Variants in PLA2G4A observed in about 807,000 individuals in gnomAD.
PLA2G4A encodes the protein cytosolic phospholipase A2.
In PLA2G4A, 40 loss-of-function variants were observed where a neutral mutation model predicts 81.9. The ratio of observed to expected loss-of-function variants is 0.49; its 90% CI spans 0.38 to 0.64. The LOEUF is 0.64. Among genes scored for constraint, PLA2G4A ranks in the 30% least tolerant of loss-of-function variants. The probability of loss-of-function intolerance (pLI) is 0.00; values close to 1 mark genes in which losing one functional copy is unlikely to be tolerated. For synonymous variants in PLA2G4A, 302 were observed against 296.9 expected, an observed-to-expected ratio of 1.02 and a Z score of -0.18; for missense variants, 715 against 905.1, an observed-to-expected ratio of 0.79 and a Z score of 2.69.
At position 186,988,845 on chromosome 1, in the gene PLA2G4A, T is replaced by A; in HGVS notation, c.*337T>A. The A allele has an allele frequency of 4.4e-6, 1 of 226,006 alleles. No individual in the cohort carries two copies. Among genetic ancestry groups the A allele is most frequent in the Non-Finnish European group, 9.0e-6 (1 of 111,434 alleles). The allele number at this position is 226,006 out of a possible 1,614,324, so 14.0% of individuals were successfully genotyped here. A position where few individuals can be genotyped will look rare whatever the true frequency, so the allele number is the denominator to read the frequency against. ...TTTTTCTTTTAAAATATTTAACAGTTCAATCTCAATAAGACCTCGCATTAT... is the reference window on the plus strand; with the variant it reads ...TTTTTCTTTTAAAATATTTAACAGTACAATCTCAATAAGACCTCGCATTAT... On this transcript the variant is annotated 3_prime_UTR_variant, in exon 18 of 18. Coordinates refer to ENST00000367466, the MANE Select transcript of PLA2G4A (RefSeq NM_024420.3).
chr1:186,983,153 A>G (rs768245898), intron 17 of PLA2G4A, among the ~76,000 whole-genome samples: 209 of 152,244 alleles, frequency 1.4e-3, no homozygotes, highest in Non-Finnish European at 2.4e-3. Context: ...TTTGTAAATG[A>G]TGGTACTTAA....
chr1:186,964,785 A>G (rs1288369748), intron 14 of PLA2G4A, among the ~76,000 whole-genome samples: 4 of 152,188 alleles, frequency 2.6e-5, no homozygotes, highest in Admixed American at 6.5e-5. Flanking sequence ...GCATGTATCT[A>G]TCTTGTTCAG....
intron 1 of PLA2G4A, among the ~76,000 whole-genome samples, chr1:186,849,198 A>G (rs905890969): frequency 6.6e-6 from 1 of 152,084 alleles, no homozygotes; most frequent in African/African-American, 2.4e-5. Flanking sequence ...CCATCCATCC[A>G]TTGGACAAAT....
In PLA2G4A at chr1:186,939,287, ATAT is replaced by A. The variant is rs1407960111; in HGVS notation, c.918+61_918+63del. ...TAACAAGTAGACAGAACATATTATA[ATAT>A]TATATTTTAAATAAAAGAAAATGTA... On this transcript the variant is annotated intron_variant, in intron 9 of 17. Transcript: ENST00000367466. The A allele has an allele frequency of 5.8e-5, 41 of 709,736 alleles. 1 individual carries two copies. The highest frequency in any genetic ancestry group is 3.8e-4 in the Middle Eastern group (1 of 2,652). 44.0% of individuals were successfully genotyped at this position (709,736 alleles called of 1,614,324 possible). A position where few individuals can be genotyped will look rare whatever the true frequency, so the allele number is the denominator to read the frequency against.
chr1:186,928,236 C>T lies in PLA2G4A; in HGVS notation c.559-4527C>T, dbSNP rs535226774. Among the ~76,000 whole-genome samples, 4 of 152,190 alleles carry T rather than the reference C, an allele frequency of 2.6e-5. No individual in the cohort carries two copies. In the South Asian group the frequency reaches 6.2e-4, roughly 24 times the overall value. ...CTCTGAGGGGCCCAAAGCTCTTGAC[C>T]GCTGAGAAATGTAAGCTGTGAGGGA... On this transcript the variant is annotated intron_variant, in intron 7 of 17. Transcript: ENST00000367466.
chr1:186,932,407 T>A (rs1369418384), intron 7 of PLA2G4A, among the ~76,000 whole-genome samples: 1 of 151,926 alleles, frequency 6.6e-6, no homozygotes, highest in East Asian at 1.9e-4. Context: ...GCAATTCTCC[T>A]GCTTCAGCCT....
chr1:186,978,482 G>T (rs1657607464), intron 16 of PLA2G4A, among the ~76,000 whole-genome samples: 1 of 152,044 alleles, frequency 6.6e-6, no homozygotes, highest in African/African-American at 2.4e-5. Flanking sequence ...TGAGAAAAAT[G>T]GTGTTTTTCT....
Position 186,956,390 on chromosome 1 carries a change from T to C in PLA2G4A, c.1579+46T>C, listed in dbSNP as rs746835165. The C allele has an allele frequency of 3.2e-6, 5 of 1,546,098 alleles. No individual in the cohort carries two copies. The Admixed American group carries it at 6.7e-5, about 21-fold the overall frequency. ...AGTGGGAGCTAATGCAGGAGATCTT[T>C]ATTCCTTCTCTGGAGAGAAGCATTT... is the stretch of plus-strand genomic sequence containing the variant. On this transcript the variant is annotated intron_variant, in intron 14 of 17. Transcript: ENST00000367466.
intron 7 of PLA2G4A, among the ~76,000 whole-genome samples, chr1:186,928,677 T>C (rs979551743): frequency 6.6e-6 from 1 of 152,206 alleles, no homozygotes; most frequent in Non-Finnish European, 1.5e-5. Flanking sequence ...AGGAGAGAAA[T>C]GTTTTTATGT....
intron 2 of PLA2G4A, among the ~76,000 whole-genome samples, chr1:186,864,443 C>T (rs1238881421): frequency 6.6e-6 from 1 of 152,042 alleles, no homozygotes; most frequent in Non-Finnish European, 1.5e-5. Flanking sequence ...TTCTCTTTCT[C>T]TACATCTATG....
chr1:186,872,058 A>G (rs780950871), intron 3 of PLA2G4A, among the ~76,000 whole-genome samples: 1 of 152,198 alleles, frequency 6.6e-6, no homozygotes, highest in Admixed American at 6.5e-5. Context: ...TCTAACAGCA[A>G]GAGTTTTGGC....
intron 1 of PLA2G4A, among the ~76,000 whole-genome samples, chr1:186,842,653 A>G (rs950984624): frequency 2.0e-5 from 3 of 152,164 alleles, no homozygotes; most frequent in Admixed American, 2.0e-4. Flanking sequence ...ACACACAGAC[A>G]CCAGGCACTC....
chr1:186,944,644 A>T (rs141099230), intron 10 of PLA2G4A, among the ~76,000 whole-genome samples: 32 of 152,308 alleles, frequency 2.1e-4, no homozygotes, highest in Middle Eastern at 3.4e-3. Context: ...TGATTTCATC[A>T]CTTCCTTCAT....
chr1:186,918,442 T>G (rs1655226234), intron 7 of PLA2G4A, among the ~76,000 whole-genome samples: 1 of 152,026 alleles, frequency 6.6e-6, no homozygotes, highest in Non-Finnish European at 1.5e-5. Context: ...GTTTACAGTC[T>G]TACCTTCACT....
chr1:186,976,433 A>G (rs1011638154), intron 15 of PLA2G4A, among the ~76,000 whole-genome samples: 6 of 152,108 alleles, frequency 3.9e-5, no homozygotes, highest in Admixed American at 1.3e-4. Context: ...TATTTATTAA[A>G]CATTTGCATA....
intron 3 of PLA2G4A, among the ~76,000 whole-genome samples, chr1:186,878,947 A>C (rs1653624446): frequency 6.6e-6 from 1 of 151,918 alleles, no homozygotes; most frequent in Admixed American, 6.6e-5. Context: ...TATGTCTAAG[A>C]GAATACCTCT....
At chr1:186,902,329 C>T (rs1182377428) in intron 5 of PLA2G4A, among the ~76,000 whole-genome samples, 1 of 152,072 alleles carries the variant, frequency 6.6e-6, no homozygotes, top group Non-Finnish European at 1.5e-5. Flanking sequence ...AAAACCACAT[C>T]CAGGCCATCA....
At position 186,920,351 on chromosome 1, in the gene PLA2G4A, G is replaced by A. The variant is rs564637825; in HGVS notation, c.558+8962G>A. 8.7e-4 allele frequency among the ~76,000 whole-genome samples: 132 copies of A among 152,294 alleles called. 1 individual carries two copies. The highest frequency in any genetic ancestry group is 3.0e-3 in the African/African-American group (123 of 41,546). On this transcript the variant is annotated intron_variant, in intron 7 of 17. Coordinates refer to ENST00000367466, the MANE Select transcript of PLA2G4A (RefSeq NM_024420.3). ...TCATGTCCCCCCACCGAGCAGGTCC[G>A]TGGTAGGCAGAAAGCCTGCTTAGTG...
chr1:186,853,575 TA>T (rs1652452847), intron 1 of PLA2G4A, among the ~76,000 whole-genome samples: 1 of 151,976 alleles, frequency 6.6e-6, no homozygotes, highest in Non-Finnish European at 1.5e-5. Flanking sequence ...ATGTAACTTA[TA>T]AAATGCTGAA....
Sources: gnomAD v4.1 joint callset for allele counts (sites outside exome capture counted in the v4.1 genomes callset) on GRCh38, gnomAD v4.1.1 for gene constraint, MANE v1.5 for transcripts, NCBI Gene and HGNC (gene_info 2026-07-23, HGNC 2026-07-21) for gene names.